TMEM51: variants seen among roughly 807,000 people sequenced by gnomAD.
TMEM51 encodes the protein chromosome 1 open reading frame 72.
TMEM51 carries 8 observed loss-of-function variants against 13.6 expected under a neutral mutation model. That is an observed-to-expected ratio of 0.59 (90% CI 0.35 to 1.07). The LOEUF (loss-of-function observed/expected upper bound fraction) is 1.07, where lower values mean the gene tolerates loss of function less well. TMEM51 is among the 50% of genes least tolerant of loss of function. TMEM51 has a pLI of 0.02. For synonymous variants in TMEM51, 147 were observed against 144.4 expected, an observed-to-expected ratio of 1.02 and a Z score of -0.13; for missense variants, 279 against 330.7, an observed-to-expected ratio of 0.84 and a Z score of 1.21.
rs990732366 is a variant in TMEM51, at chr1:15,207,751, G to A, written c.-266-2739G>A. Among the ~76,000 whole-genome samples the A allele has an allele frequency of 3.3e-5, 5 of 152,178 alleles. No homozygotes were observed. Among genetic ancestry groups the A allele is most frequent in the Admixed American group, 6.5e-5 (1 of 15,278 alleles). On this transcript the variant is annotated intron_variant, in intron 1 of 3. Coordinates refer to ENST00000376008, the MANE Select transcript of TMEM51 (RefSeq NM_001136218.2). The surrounding 1 kb of genome is among the most constrained non-coding windows in gnomAD (Gnocchi z 4.6). ...TTCCACCTGCAAAGGCCAGGCAACC[G>A]CTGAAACCTCCAGCCCCACCAGGGA...
chr1:15,160,074 G>A (rs1642723644), intron 1 of TMEM51, among the ~76,000 whole-genome samples: 1 of 152,128 alleles, frequency 6.6e-6, no homozygotes, highest in African/African-American at 2.4e-5. Flanking sequence ...AAATTAGGTG[G>A]CTCTAAATCT....
chr1:15,191,745 AT>A (rs35623540), intron 1 of TMEM51: 838 of 285,200 alleles, frequency 2.9e-3, no homozygotes, highest in Middle Eastern at 5.5e-3. Flanking sequence ...CTGGGGAGAA[AT>A]TTTTTTTTTT....
At chr1:15,211,219 T>A (rs1644333660) in intron 2 of TMEM51, among the ~76,000 whole-genome samples, 2 of 152,196 alleles carry the variant, frequency 1.3e-5, no homozygotes, top group South Asian at 4.1e-4. Flanking sequence ...TTCCGCCACC[T>A]TGCCCTCCCT....
chr1:15,192,470 T>TTTTTTTTTTTTTTTTTTTTTTTC (rs3078880), intron 1 of TMEM51: 1 of 250,176 alleles, frequency 4.0e-6, no homozygotes, highest in Admixed American at 5.6e-5. Flanking sequence ...CCTTTTTTTT[T>TTTTTTTTTTTTTTTTTTTTTTTC]ATGACAGAAT....
At chr1:15,166,750 G>C (rs900667823) in intron 1 of TMEM51, among the ~76,000 whole-genome samples, 5 of 152,040 alleles carry the variant, frequency 3.3e-5, no homozygotes, top group African/African-American at 4.8e-5. Context: ...TACTCGCCCA[G>C]CATTGTATTT....
chr1:15,167,326 CAAAAAAAAAAAAA>C (rs555274126), intron 1 of TMEM51, among the ~76,000 whole-genome samples: 927 of 69,468 alleles, frequency 0.013, 14 homozygotes, highest in African/African-American at 0.043. Context: ...GACTCCATCT[CAAAAAAAAAAAAA>C]AAAAAAAAAA....
chr1:15,162,045 A>G (rs1223594369), intron 1 of TMEM51, among the ~76,000 whole-genome samples: 1 of 143,666 alleles, frequency 7.0e-6, no homozygotes, highest in Non-Finnish European at 1.5e-5. Flanking sequence ...AGAGAAGAGG[A>G]GAGAAGGAGT....
At chr1:15,183,694 A>T (rs1385231507) in intron 1 of TMEM51, among the ~76,000 whole-genome samples, 4 of 152,176 alleles carry the variant, frequency 2.6e-5, no homozygotes, top group Non-Finnish European at 4.4e-5. Flanking sequence ...TACACCAGGG[A>T]TGTGGGCTAT....
chr1:15,183,894 GAGA>G (rs1276005027), intron 1 of TMEM51, among the ~76,000 whole-genome samples: 2 of 152,246 alleles, frequency 1.3e-5, no homozygotes, highest in African/African-American at 4.8e-5. Context: ...AGAAGCCAGC[GAGA>G]AGGACAGTGG....
At chr1:15,171,384 G>A in intron 1 of TMEM51, 4 of 1,231,538 alleles carry the variant, frequency 3.2e-6, no homozygotes, top group Admixed American at 2.6e-5. Flanking sequence ...CAGAAAGGAA[G>A]GTGGAAGAGT....
At chr1:15,200,538 C>T (rs923540405) in intron 1 of TMEM51, among the ~76,000 whole-genome samples, 1 of 151,856 alleles carries the variant, frequency 6.6e-6, no homozygotes, top group African/African-American at 2.4e-5. Context: ...AGGAACCAAC[C>T]TTGCTCAGAA....
At chr1:15,173,882 T>A (rs975052166) in intron 1 of TMEM51, among the ~76,000 whole-genome samples, 12 of 152,250 alleles carry the variant, frequency 7.9e-5, no homozygotes, top group African/African-American at 2.9e-4. Flanking sequence ...GTGGTCTGCA[T>A]GAGTAGAACA....
chr1:15,207,537 T>G lies in TMEM51; in HGVS notation c.-266-2953T>G, dbSNP rs908112784. Among the ~76,000 whole-genome samples, 1 of 152,220 alleles carries G rather than the reference T, an allele frequency of 6.6e-6. No homozygotes were observed. The highest frequency in any genetic ancestry group is 1.5e-5 in the Non-Finnish European group (1 of 68,034). ...TCAATCCAGATGTGCCTGGCTGTGA[T>G]GGCCCCACTCAGGTCTCAGCCACTC... On this transcript the variant is annotated intron_variant, in intron 1 of 3. Coordinates refer to ENST00000376008, the MANE Select transcript of TMEM51 (RefSeq NM_001136218.2). This position sits in a 1 kb window ranked among gnomAD's most constrained non-coding sequence, Gnocchi z 4.6.
At chr1:15,200,773 A>T (rs188430641) in intron 1 of TMEM51, among the ~76,000 whole-genome samples, 1 of 152,198 alleles carries the variant, frequency 6.6e-6, no homozygotes, top group East Asian at 1.9e-4. Flanking sequence ...ACACATCCAG[A>T]TGAGTATCAG....
At chr1:15,192,449 T>TTCTTGTC in intron 1 of TMEM51, 1 of 161,774 alleles carries the variant, frequency 6.2e-6, no homozygotes, top group South Asian at 5.2e-5. Context: ...TTTCTTTCTT[T>TTCTTGTC]CTTTTCTTTT....
At chr1:15,194,105 CA>C (rs1643996691) in intron 1 of TMEM51, among the ~76,000 whole-genome samples, 1 of 152,202 alleles carries the variant, frequency 6.6e-6, no homozygotes, top group Non-Finnish European at 1.5e-5. Flanking sequence ...ACAAAAATGA[CA>C]AAAATTCACA....
At chr1:15,172,483 AAG>A (rs898323057) in intron 1 of TMEM51, among the ~76,000 whole-genome samples, 2 of 151,822 alleles carry the variant, frequency 1.3e-5, no homozygotes, top group Non-Finnish European at 2.9e-5. Context: ...AGAAAAAAGA[AAG>A]AGAAGAAGGA....
intron 1 of TMEM51, among the ~76,000 whole-genome samples, chr1:15,164,915 G>A (rs909786174): frequency 6.7e-6 from 1 of 148,640 alleles, no homozygotes; most frequent in African/African-American, 2.5e-5. Context: ...CAATTCTTCT[G>A]CCTCAGCCTC....
intron 1 of TMEM51, among the ~76,000 whole-genome samples, chr1:15,208,641 A>G (rs1644289447): frequency 3.3e-5 from 5 of 152,094 alleles, no homozygotes; most frequent in Admixed American, 3.3e-4. Context: ...AAATACAGAA[A>G]TAAATAAATA....
Sources: allele counts gnomAD v4.1 joint callset (sites outside exome capture counted in the v4.1 genomes callset), GRCh38; gene constraint gnomAD v4.1.1; non-coding constraint Gnocchi (gnomAD v3.1); transcripts MANE v1.5; gene names NCBI Gene and HGNC (gene_info 2026-07-23, HGNC 2026-07-21).